ASCC2: variants seen among roughly 807,000 people sequenced by gnomAD.
The protein encoded by ASCC2 is ASC-1 complex subunit P100.
A neutral mutation model predicts 93.5 loss-of-function variants in ASCC2; 42 were observed. That is an observed-to-expected ratio of 0.45 (90% CI 0.35 to 0.58). ASCC2 has a LOEUF of 0.58. Among genes scored for constraint, ASCC2 ranks in the 20% least tolerant of loss-of-function variants. The probability of loss-of-function intolerance (pLI) is 0.00; values close to 1 mark genes in which losing one functional copy is unlikely to be tolerated. For missense variants in ASCC2, 859 were observed against 977.6 expected, an observed-to-expected ratio of 0.88 and a Z score of 1.62; for synonymous variants, 364 against 384.2, an observed-to-expected ratio of 0.95 and a Z score of 0.62.
intron 8 of ASCC2, among the ~76,000 whole-genome samples, chr22:29,812,945 G>A (rs940451927): frequency 5.9e-5 from 9 of 151,302 alleles, no homozygotes; most frequent in Admixed American, 6.6e-5. Context: ...GCAGTGGCGC[G>A]ATCTCAGCTC....
In ASCC2 at chr22:29,825,267, G is replaced by A. The variant is rs765293346; in HGVS notation, c.241-10C>T. ...TCTCGTCAAAGATCACCTAAACCAG[G>A]AGACAGAGGAGAGCGAGGATTTATC... On this transcript the variant is annotated splice_polypyrimidine_tract_variant and intron_variant, in intron 3 of 19. Transcript: ENST00000307790. This position sits in a 1 kb window ranked among gnomAD's most constrained non-coding sequence, Gnocchi z 4.9. 1 of 1,508,962 alleles carries A rather than the reference G, an allele frequency of 6.6e-7. No individual in the cohort carries two copies. The highest frequency in any genetic ancestry group is 2.4e-5 in the East Asian group (1 of 42,524). 93.5% of individuals were successfully genotyped at this position (1,508,962 alleles called of 1,614,324 possible).
chr22:29,815,627 C>T (rs758054356), intron 6 of ASCC2, among the ~76,000 whole-genome samples: 92 of 151,656 alleles, frequency 6.1e-4, no homozygotes, highest in Non-Finnish European at 9.9e-4. Context: ...TTTTATTTTC[C>T]GAATTTTCTA....
Position 29,789,178 on chromosome 22 carries a change from C to T in ASCC2, c.2109G>A (p.Arg703=). The part of the protein sequence containing the change: ...RMAFLAKKGY[R]HDSSTAVAGS... ...CGGCCACTGCTGTTGAGCTGTCATGCCGGTACCTGAGGGAGGAACAACCCA... is the reference window on the plus strand; with the variant it reads ...CGGCCACTGCTGTTGAGCTGTCATGTCGGTACCTGAGGGAGGAACAACCCA... The change falls in exon 20 of 20, where the codon CGG becomes CGA. Residue 703 remains arginine (R), a synonymous_variant. Coordinates refer to ENST00000307790, the MANE Select transcript of ASCC2 (RefSeq NM_032204.5). The T allele has an allele frequency of 6.2e-7, 1 of 1,614,114 alleles. No homozygotes were observed. Among genetic ancestry groups the T allele is most frequent in the Non-Finnish European group, 8.5e-7 (1 of 1,180,004 alleles).
intron 4 of ASCC2, among the ~76,000 whole-genome samples, chr22:29,823,735 C>T (rs1019120958): frequency 9.9e-5 from 15 of 151,824 alleles, no homozygotes; most frequent in Non-Finnish European, 1.9e-4. Context: ...GTAATCCCAG[C>T]TACTTGGGAG....
Position 29,825,667 on chromosome 22 carries a change from G to A in ASCC2, c.195C>T (p.Asp65=), listed in dbSNP as rs1338893895. ...YLERATFVAN[D]LDWLLALPHD... is the part of the protein sequence containing the mutation. ...GAGGCAAGGCCAGGAGCCAGTCGAG[G>A]TCATTGGCTACGAAGGTGGCGCGTT... The change falls in exon 3 of 20, where the codon GAC becomes GAT. Residue 65 remains aspartate, a synonymous_variant. Transcript: ENST00000307790. This position sits in a 1 kb window ranked among gnomAD's most constrained non-coding sequence, Gnocchi z 4.9. 1 of 1,614,218 alleles carries A rather than the reference G, an allele frequency of 6.2e-7. No individual in the cohort carries two copies. Among genetic ancestry groups the A allele is most frequent in the African/African-American group, 1.3e-5 (1 of 75,048 alleles).
chr22:29,811,621 C>T (rs1466337649), intron 8 of ASCC2, among the ~76,000 whole-genome samples: 2 of 152,206 alleles, frequency 1.3e-5, no homozygotes, highest in Non-Finnish European at 1.5e-5. Context: ...GAGGCTGGGT[C>T]AGCCCCAGGG....
intron 1 of ASCC2, among the ~76,000 whole-genome samples, chr22:29,833,915 C>T (rs2063465109): frequency 1.3e-5 from 2 of 149,710 alleles, no homozygotes; most frequent in African/African-American, 4.9e-5. Context: ...CGGGGTTTCA[C>T]CATGTTGCCC....
In ASCC2 at chr22:29,793,388, C is replaced by G; in HGVS notation, c.1891G>C (p.Asp631His). Residue 631 changes from aspartate to histidine, a missense_variant, in exon 17 of 20, where the codon GAC becomes CAC. Transcript: ENST00000307790. The stretch of plus-strand genomic sequence containing the variant: ...CGGCTGATGAGCTCGTCATCAGAGT[C>G]TGCATCATTGGCGCCCACCTGGTTG... ...DGNQVGANDADSDDELISRRP... is the reference protein window; with the variant it reads ...DGNQVGANDAHSDDELISRRP... 1 of 1,613,958 alleles carries G rather than the reference C, an allele frequency of 6.2e-7. No homozygotes were observed. Among genetic ancestry groups the G allele is most frequent in the Non-Finnish European group, 8.5e-7 (1 of 1,180,038 alleles).
Position 29,792,479 on chromosome 22 carries a change from T to C in ASCC2, c.1976A>G (p.Glu659Gly). 6.2e-7 allele frequency: 1 copy of C among 1,613,958 alleles called. No individual in the cohort carries two copies. The highest frequency in any genetic ancestry group is 2.2e-5 in the East Asian group (1 of 44,860). The change falls in exon 18 of 20, where the codon GAG (glutamate) becomes GGG (glycine). Residue 659 changes from glutamate to glycine, a missense_variant. Transcript: ENST00000307790. ...RTKVPREGQE[E>G]DDDDEEDDAD... ...ATCGTCTTCCTCATCGTCGTCATCCTCCTCCTGCCCTTCTCTAGGCACTTT... is the reference window on the plus strand; with the variant it reads ...ATCGTCTTCCTCATCGTCGTCATCCCCCTCCTGCCCTTCTCTAGGCACTTT...
At chr22:29,804,941 G>T in intron 12 of ASCC2, 111 bp from the exon 13 acceptor site, 3 of 1,256,604 alleles carry the variant, frequency 2.4e-6, no homozygotes, top group Non-Finnish European at 3.4e-6. Context: ...GGCTTTCTGG[G>T]CTATATCTAA....
At chr22:29,827,814 CACACACACACACACACAT>C (rs2062595952) in intron 2 of ASCC2, among the ~76,000 whole-genome samples, 1 of 136,786 alleles carries the variant, frequency 7.3e-6, no homozygotes, top group African/African-American at 2.8e-5. Context: ...CATTCTGACA[CACACACACACACACACAT>C]ACACCCAGAC....
At chr22:29,816,145 A>C in intron 5 of ASCC2, 72 bp from the exon 6 acceptor site, 1 of 1,255,060 alleles carries the variant, frequency 8.0e-7, no homozygotes, top group African/African-American at 1.5e-5. Context: ...ACACATTACA[A>C]ATGGTTGCCA....
At chr22:29,793,726 G>A in intron 15 of ASCC2, 50 bp from the exon 16 acceptor site, 4 of 1,520,524 alleles carry the variant, frequency 2.6e-6, no homozygotes, top group Non-Finnish European at 3.5e-6. Flanking sequence ...AGGCTTGGAA[G>A]GCCGCAGGGT....
chr22:29,808,751 A>G (rs2059959150), intron 8 of ASCC2, among the ~76,000 whole-genome samples: 3 of 150,984 alleles, frequency 2.0e-5, no homozygotes. Context: ...GGTCAAGGCT[A>G]TAGTGAGCCA....
chr22:29,832,487 T>C (rs2063275810), intron 1 of ASCC2, 145 bp from the exon 2 acceptor site: 4 of 604,150 alleles, frequency 6.6e-6, no homozygotes, highest in Non-Finnish European at 8.6e-6. Flanking sequence ...ACCTGGTTCA[T>C]GCACCTACTA....
intron 5 of ASCC2, among the ~76,000 whole-genome samples, chr22:29,820,442 G>GT (rs2061417937): frequency 6.6e-6 from 1 of 151,912 alleles, no homozygotes; most frequent in Non-Finnish European, 1.5e-5. Context: ...GGTTACAGGC[G>GT]TGAGCCACCT....
At chr22:29,814,803 C>T in intron 6 of ASCC2, 36 bp from the exon 7 acceptor site, 1 of 1,569,696 alleles carries the variant, frequency 6.4e-7, no homozygotes, top group South Asian at 1.1e-5. Context: ...TCACATCATA[C>T]TGAACCAGGG....
intron 4 of ASCC2, among the ~76,000 whole-genome samples, chr22:29,824,223 A>G (rs904924781): frequency 2.7e-5 from 4 of 149,748 alleles, no homozygotes; most frequent in Middle Eastern, 3.2e-3. Flanking sequence ...ATATTATAAC[A>G]CTTTTTAAAA....
chr22:29,804,663 T>A lies in ASCC2; in HGVS notation c.1328A>T (p.His443Leu). ...CTCCTCTTCCTCCGAGTTCTCCGGA[T>A]GTGATGATGCTTGACTGACTGCCTC... ...TAEAVSQASS[H>L]PENSEEEECM... Residue 443 changes from histidine (H) to leucine (L), a missense_variant, in exon 13 of 20, where the codon CAT (histidine) becomes CTT (leucine). Physicochemically the swap from His to Leu is moderately conservative, Grantham distance 99. Coordinates refer to ENST00000307790, the MANE Select transcript of ASCC2 (RefSeq NM_032204.5). 1 of 1,614,050 alleles carries A rather than the reference T, an allele frequency of 6.2e-7. No homozygotes were observed. Among genetic ancestry groups the A allele is most frequent in the Non-Finnish European group, 8.5e-7 (1 of 1,179,982 alleles).
Sources: allele counts gnomAD v4.1 joint callset (sites outside exome capture counted in the v4.1 genomes callset), GRCh38; gene constraint gnomAD v4.1.1; non-coding constraint Gnocchi (gnomAD v3.1); transcripts MANE v1.5; gene names NCBI Gene and HGNC (gene_info 2026-07-23, HGNC 2026-07-21).